The following CAMK4 variants were observed in gnomAD, a reference collection of about 807,000 sequenced individuals.
The protein encoded by CAMK4 is calcium/calmodulin-dependent protein kinase type IV.
A neutral mutation model predicts 44.9 loss-of-function variants in CAMK4; 22 were observed. The observed-to-expected ratio is 0.49, with a 90% CI of 0.35 to 0.70. CAMK4 has a LOEUF of 0.70. Among genes scored for constraint, CAMK4 ranks in the 30% least tolerant of loss-of-function variants. The probability of loss-of-function intolerance (pLI) is 0.01; values close to 1 mark genes in which losing one functional copy is unlikely to be tolerated. For synonymous variants in CAMK4, 218 were observed against 215.4 expected (o/e 1.01, Z -0.11); for missense variants, 498 against 586.8 (o/e 0.85, Z 1.56).
rs1308697548 is a variant in CAMK4 at position 111,352,636 on chromosome 5, G to GCAGAGAGA, written c.240+8535_240+8542dup. 2.0e-4 allele frequency among the ~76,000 whole-genome samples: 6 copies of GCAGAGAGA among 30,458 alleles called. No individual in the cohort carries two copies. The Admixed American group carries it at 3.0e-3, about 15-fold the overall frequency. 20.0% of individuals were successfully genotyped at this position (30,458 alleles called of 152,430 possible). The stretch of plus-strand genomic sequence containing the variant: ...TCCTGTGTCAACTCATGGCAGAATA[G>GCAGAGAGA]CAGAGAGAGAGAGAGAGAGAGAGAG... On this transcript the variant is annotated intron_variant, in intron 2 of 10. Transcript: ENST00000282356.
At chr5:111,397,143 C>T (rs888193343) in intron 5 of CAMK4, among the ~76,000 whole-genome samples, 1 of 152,196 alleles carries the variant, frequency 6.6e-6, no homozygotes, top group African/African-American at 2.4e-5. Flanking sequence ...CTGAATCAGT[C>T]AGGCAGCTGA....
At chr5:111,451,295 A>G (rs990662696) in intron 7 of CAMK4, among the ~76,000 whole-genome samples, 16 of 151,980 alleles carry the variant, frequency 1.1e-4, no homozygotes, top group African/African-American at 3.9e-4. Flanking sequence ...TATTCATAGA[A>G]GTATTTATCA....
At chr5:111,338,517 G>T (rs1749504964) in intron 1 of CAMK4, among the ~76,000 whole-genome samples, 1 of 151,364 alleles carries the variant, frequency 6.6e-6, no homozygotes, top group African/African-American at 2.4e-5. Context: ...TTCTTTTGAG[G>T]ACGTAGGCAA....
intron 2 of CAMK4, among the ~76,000 whole-genome samples, chr5:111,374,091 A>G (rs950678459): frequency 2.0e-5 from 3 of 152,156 alleles, no homozygotes; most frequent in African/African-American, 7.2e-5. Context: ...TTAAACAGAA[A>G]AAGGAAATGT....
intron 9 of CAMK4, among the ~76,000 whole-genome samples, chr5:111,480,860 G>A (rs1193120179): frequency 1.3e-5 from 2 of 152,108 alleles, no homozygotes; most frequent in Non-Finnish European, 2.9e-5. Flanking sequence ...AAGAGGGTTA[G>A]CTTTGATGTT....
At chr5:111,426,520 A>G (rs1169995216) in intron 5 of CAMK4, among the ~76,000 whole-genome samples, 1 of 152,134 alleles carries the variant, frequency 6.6e-6, no homozygotes, top group African/African-American at 2.4e-5. Context: ...TACACAGAAA[A>G]AAGCACCTTC....
intron 8 of CAMK4, among the ~76,000 whole-genome samples, chr5:111,475,661 C>T (rs564646552): frequency 1.3e-5 from 2 of 152,306 alleles, no homozygotes; most frequent in Non-Finnish European, 2.9e-5. Context: ...AATAACAGTG[C>T]TGCTTACAAC....
At chr5:111,273,698 TATATATATATATATATATATACACACAC>T (rs1750623889) in intron 1 of CAMK4, among the ~76,000 whole-genome samples, 1 of 54,694 alleles carries the variant, frequency 1.8e-5, no homozygotes, top group Non-Finnish European at 3.1e-5. Context: ...TATATATATA[TATATATATATATATATATATACACACAC>T]ATACATACAC....
rs58032491 is a variant in CAMK4, at chr5:111,442,517, C to CATATATATAT, written c.460-4151_460-4142dup. The stretch of plus-strand genomic sequence containing the variant: ...AAAACAAACAAACAAAAAACCAAAA[C>CATATATATAT]ATATATATATATATATATATATATA... On this transcript the variant is annotated intron_variant, in intron 5 of 10. Coordinates refer to ENST00000282356, the MANE Select transcript of CAMK4 (RefSeq NM_001744.6). 4.2e-5 allele frequency among the ~76,000 whole-genome samples: 6 copies of CATATATATAT among 142,050 alleles called. No homozygotes were observed. The East Asian group carries it at 6.3e-4, about 15-fold the overall frequency. 93.2% of individuals were successfully genotyped at this position (142,050 alleles called of 152,430 possible). A position where few individuals can be genotyped will look rare whatever the true frequency, so the allele number is the denominator to read the frequency against.
rs573571001 is a variant in CAMK4 at position 111,470,204 on chromosome 5, T to G, written c.626-3107T>G. On this transcript the variant is annotated intron_variant, in intron 7 of 10. Coordinates refer to ENST00000282356, the MANE Select transcript of CAMK4 (RefSeq NM_001744.6). The stretch of plus-strand genomic sequence containing the variant: ...AGGGCTGTTGTGCTCAAAGACACTT[T>G]CTGTGGGGTACAGATTGCCCCAGAG... Among the ~76,000 whole-genome samples, 21 of 152,378 alleles carry G rather than the reference T, an allele frequency of 1.4e-4. No homozygotes were observed. In the South Asian group the frequency reaches 4.1e-3, roughly 30 times the overall value.
intron 1 of CAMK4, 79 bp from the exon 2 acceptor site, chr5:111,343,945 G>A: frequency 1.2e-6 from 1 of 808,030 alleles, no homozygotes; most frequent in East Asian, 2.5e-5. Context: ...GTTATTGCAA[G>A]ATACACTTAT....
At chr5:111,352,456 A>T (rs1426288186) in intron 2 of CAMK4, among the ~76,000 whole-genome samples, 2 of 152,058 alleles carry the variant, frequency 1.3e-5, no homozygotes, top group Non-Finnish European at 2.9e-5. Flanking sequence ...AATTAATAAG[A>T]CAATACTTTT....
Position 111,492,873 on chromosome 5 carries a change from AG to A in CAMK4, c.*8409del, listed in dbSNP as rs1755904117. On this transcript the variant is annotated 3_prime_UTR_variant, in exon 11 of 11. Transcript: ENST00000282356. Reference sequence around the variant, plus strand: ...TGCATTTAGGCAGATGATAAGCCCTAGGAATGGAAAGAGGGAAAAGCTCCCT... The same window carrying A: ...TGCATTTAGGCAGATGATAAGCCCTAGAATGGAAAGAGGGAAAAGCTCCCT... The A allele has an allele frequency of 6.6e-6, 1 of 152,220 alleles. No individual in the cohort carries two copies. Among genetic ancestry groups the A allele is most frequent in the African/African-American group, 2.4e-5 (1 of 41,448 alleles). The allele number at this position is 152,220 out of a possible 1,614,324, so 9.4% of individuals were successfully genotyped here.
chr5:111,299,170 G>A (rs552828051), intron 1 of CAMK4, among the ~76,000 whole-genome samples: 5 of 152,312 alleles, frequency 3.3e-5, no homozygotes, highest in South Asian at 2.1e-4. Flanking sequence ...AGGCCAAGGC[G>A]ACCTTCCAGC....
intron 9 of CAMK4, chr5:111,481,901 T>A (rs1179928868): frequency 6.6e-6 from 1 of 152,142 alleles, no homozygotes; most frequent in Non-Finnish European, 1.5e-5. Context: ...TACAAAGGAA[T>A]TAAAGTGGAA....
At chr5:111,377,038 C>A (rs1282153922) in intron 4 of CAMK4, 96 bp downstream of exon 4, 11 of 737,882 alleles carry the variant, frequency 1.5e-5, no homozygotes, top group Middle Eastern at 2.4e-4. Flanking sequence ...TTTATAATGA[C>A]AGATTATACT....
Position 111,323,861 on chromosome 5 carries a change from A to G in CAMK4, c.162-20163A>G, listed in dbSNP as rs74938238. 4.0e-3 allele frequency among the ~76,000 whole-genome samples: 610 copies of G among 152,158 alleles called. 4 individuals carry two copies. The highest frequency in any genetic ancestry group is 0.014 in the African/African-American group (599 of 41,566). On this transcript the variant is annotated intron_variant, in intron 1 of 10. Transcript: ENST00000282356. ...AGAATGTAGGTAATATGAGAGACAC[A>G]TTTTTATTCTGCCCTTACTATCTTT... is the stretch of plus-strand genomic sequence containing the variant.
chr5:111,340,164 A>G (rs1466299431), intron 1 of CAMK4, among the ~76,000 whole-genome samples: 1 of 151,080 alleles, frequency 6.6e-6, no homozygotes, highest in Admixed American at 6.6e-5. Flanking sequence ...TATCACCTGA[A>G]AATAGCGACA....
intron 5 of CAMK4, among the ~76,000 whole-genome samples, chr5:111,400,782 G>T (rs971933167): frequency 3.7e-4 from 57 of 152,110 alleles, no homozygotes; most frequent in African/African-American, 1.4e-3. Flanking sequence ...GAATTCCAGT[G>T]GTCCAAAGTT....
Sources: gnomAD v4.1 joint callset for allele counts (sites outside exome capture counted in the v4.1 genomes callset) on GRCh38, gnomAD v4.1.1 for gene constraint, MANE v1.5 for transcripts, NCBI Gene and HGNC (gene_info 2026-07-23, HGNC 2026-07-21) for gene names.